The following SMYD2 variants were observed in gnomAD, a reference collection of about 807,000 sequenced individuals.
SMYD2 encodes N-lysine methyltransferase SMYD2.
A neutral mutation model predicts 59.1 loss-of-function variants in SMYD2; 53 were observed. That is an observed-to-expected ratio of 0.90 (90% CI 0.72 to 1.13). The LOEUF is 1.13. Ranked by LOEUF, SMYD2 falls within the 50% of genes most tolerant of loss-of-function variation. SMYD2 has a pLI of 0.00. For synonymous variants in SMYD2, 208 were observed against 198.8 expected, an observed-to-expected ratio of 1.05 and a Z score of -0.39; for missense variants, 494 against 544.7, an observed-to-expected ratio of 0.91 and a Z score of 0.93.
At chr1:214,300,704 G>C (rs1392855795) in intron 1 of SMYD2, among the ~76,000 whole-genome samples, 1 of 152,264 alleles carries the variant, frequency 6.6e-6, no homozygotes, top group Admixed American at 6.5e-5. Context: ...ATGCTTCGGC[G>C]TGATGGAAAC....
At chr1:214,305,343 G>C (rs921928093) in intron 2 of SMYD2, 93 bp downstream of exon 2, 2 of 1,222,746 alleles carry the variant, frequency 1.6e-6, no homozygotes, top group African/African-American at 1.5e-5. Flanking sequence ...CCTGGAGCCA[G>C]AGCTGGAAAG....
At position 214,327,138 on chromosome 1, in the gene SMYD2, C is replaced by T. The variant is rs568812751; in HGVS notation, c.603-484C>T. 3.9e-5 allele frequency among the ~76,000 whole-genome samples: 6 copies of T among 152,338 alleles called. No individual in the cohort carries two copies. The South Asian group carries it at 1.2e-3, about 32-fold the overall frequency. ...TGCAGAGAAACTCAGACGGGTGTCT[C>T]CGGGTCTCTCAGGGGATCACACACC... On this transcript the variant is annotated intron_variant, in intron 6 of 11. Transcript: ENST00000366957.
In SMYD2 at chr1:214,330,279, GT is replaced by G. The variant is rs748496281; in HGVS notation, c.816+2del. ...CCAGGAGTGTACCACCAAGGACAAG[GT>G]AAGGTTGTTCATTGGGCAAGAGCGC... On this transcript the variant is annotated splice_donor_variant, in intron 8 of 11. Coordinates refer to ENST00000366957, the MANE Select transcript of SMYD2 (RefSeq NM_020197.3). LOFTEE classifies it high-confidence loss of function. 2 of 1,602,722 alleles carry G rather than the reference GT, an allele frequency of 1.2e-6. No individual in the cohort carries two copies. The highest frequency in any genetic ancestry group is 2.2e-5 in the East Asian group (1 of 44,708).
intron 6 of SMYD2, among the ~76,000 whole-genome samples, chr1:214,325,583 T>C (rs186574972): frequency 6.6e-6 from 1 of 152,290 alleles, no homozygotes; most frequent in Admixed American, 6.5e-5. Context: ...CCCTTAGCTA[T>C]GTGCGTCTCT....
chr1:214,326,700 A>C (rs1657269210), intron 6 of SMYD2, among the ~76,000 whole-genome samples: 1 of 152,082 alleles, frequency 6.6e-6, no homozygotes, highest in African/African-American at 2.4e-5. Flanking sequence ...CATCCTCATC[A>C]GGCTTCGAAA....
At chr1:214,306,586 T>C (rs2102464033) in intron 2 of SMYD2, among the ~76,000 whole-genome samples, 1 of 152,312 alleles carries the variant, frequency 6.6e-6, no homozygotes, top group Non-Finnish European at 1.5e-5. Context: ...GGGTGCCTTC[T>C]TTTGAAGAGG....
At chr1:214,285,493 A>T (rs1656522600) in intron 1 of SMYD2, among the ~76,000 whole-genome samples, 2 of 152,184 alleles carry the variant, frequency 1.3e-5, no homozygotes, top group Admixed American at 6.5e-5. Context: ...TTTTCTGAAT[A>T]AAAAAATTGA....
intron 1 of SMYD2, among the ~76,000 whole-genome samples, chr1:214,303,972 A>G (rs1656872251): frequency 6.6e-6 from 1 of 152,240 alleles, no homozygotes; most frequent in Non-Finnish European, 1.5e-5. Context: ...TCTGACTTAG[A>G]CAATGTAATT....
At chr1:214,302,214 G>A (rs981345781) in intron 1 of SMYD2, among the ~76,000 whole-genome samples, 2 of 151,818 alleles carry the variant, frequency 1.3e-5, no homozygotes, top group Non-Finnish European at 1.5e-5. Flanking sequence ...TTACACATGC[G>A]TGTCATCCCA....
chr1:214,284,598 A>C (rs1571916864), intron 1 of SMYD2, among the ~76,000 whole-genome samples: 3 of 120,568 alleles, frequency 2.5e-5, no homozygotes, highest in South Asian at 2.6e-4. Context: ...GTCTCGTCTC[A>C]CTCTGTTGCC....
intron 11 of SMYD2, 149 bp from the exon 12 acceptor site, chr1:214,336,555 A>G: frequency 1.8e-6 from 1 of 562,046 alleles, no homozygotes; most frequent in Non-Finnish European, 3.0e-6. Context: ...AAATTAAAAT[A>G]AAAACAGGTC....
Position 214,330,157 on chromosome 1 carries a change from G to C in SMYD2, c.706-11G>C. On this transcript the variant is annotated splice_polypyrimidine_tract_variant and intron_variant, in intron 7 of 11. Transcript: ENST00000366957. ...TAGCAGACTGAAGCTTTATCTTTTTGGACCCCGTAGGTTTTTACCAGCTAT... is the reference window on the plus strand; with the variant it reads ...TAGCAGACTGAAGCTTTATCTTTTTCGACCCCGTAGGTTTTTACCAGCTAT... 6.4e-7 allele frequency: 1 copy of C among 1,566,692 alleles called. No individual in the cohort carries two copies. The highest frequency in any genetic ancestry group is 8.7e-7 in the Non-Finnish European group (1 of 1,144,504).
At position 214,336,693 on chromosome 1, in the gene SMYD2, CT is replaced by C; in HGVS notation, c.1222-6del. On this transcript the variant is annotated splice_polypyrimidine_tract_variant and intron_variant, in intron 11 of 11. Transcript: ENST00000366957. ...TTCTAGGCTCTCATTGTTTGTCTTG[CT>C]TTTTCCTAGGCCATTGCAATCATGG... 1.2e-6 allele frequency: 2 copies of C among 1,612,900 alleles called. No individual in the cohort carries two copies. The highest frequency in any genetic ancestry group is 1.7e-6 in the Non-Finnish European group (2 of 1,179,568).
At chr1:214,315,021 A>G (rs1411566737) in intron 3 of SMYD2, 149 bp downstream of exon 3, 7 of 651,734 alleles carry the variant, frequency 1.1e-5, no homozygotes, top group Non-Finnish European at 1.9e-5. Flanking sequence ...GGGGTGGGGA[A>G]AATACTCCAG....
rs56254326 is a variant in SMYD2 at position 214,304,558 on chromosome 1, C to CAAAAAAAAAAAAAAAAAAAA, written c.174-624_174-605dup. Among the ~76,000 whole-genome samples, 2 of 48,026 alleles carry CAAAAAAAAAAAAAAAAAAAA rather than the reference C, an allele frequency of 4.2e-5. 1 individual carries two copies. 31.5% of individuals were successfully genotyped at this position (48,026 alleles called of 152,430 possible). A position where few individuals can be genotyped will look rare whatever the true frequency, so the allele number is the denominator to read the frequency against. On this transcript the variant is annotated intron_variant, in intron 1 of 11. Transcript: ENST00000366957. ...TGGGTGACAGAGTGAGACCCTATCT[C>CAAAAAAAAAAAAAAAAAAAA]AAAAAAAAAAAAAAAAAAAAAAAAG...
rs1348462312 is a variant in SMYD2, at chr1:214,330,986, C to T, written c.853C>T (p.Pro285Ser). The stretch of plus-strand genomic sequence containing the variant: ...GGTGGAAATCCGGAAGCTCAGCGAT[C>T]CCCCAAAGGCAGAAGCCATCCGAGA... The part of the protein sequence containing the change: ...AKVEIRKLSD[P>S]PKAEAIRDMV... The change falls in exon 9 of 12, where the codon CCC becomes TCC. Residue 285 changes from proline (P) to serine (S), a missense_variant. Pro to Ser is a moderately conservative substitution (Grantham distance 74). Transcript: ENST00000366957. 2.5e-6 allele frequency: 4 copies of T among 1,614,070 alleles called. No homozygotes were observed. The highest frequency in any genetic ancestry group is 3.4e-6 in the Non-Finnish European group (4 of 1,180,048).
chr1:214,326,551 C>T (rs2102476075), intron 6 of SMYD2, among the ~76,000 whole-genome samples: 1 of 152,168 alleles, frequency 6.6e-6, no homozygotes, highest in South Asian at 2.1e-4. Context: ...CAGAGGTGGC[C>T]CTCCCCGAGG....
In SMYD2 at chr1:214,329,929, C is replaced by T. The variant is rs187066626; in HGVS notation, c.706-239C>T. ...GATTCTACAGACTCTTTCCACTAAC[C>T]TGCACCTTGGCTTCAGCTCCCAGTT... On this transcript the variant is annotated intron_variant, in intron 7 of 11. Coordinates refer to ENST00000366957, the MANE Select transcript of SMYD2 (RefSeq NM_020197.3). Among the ~76,000 whole-genome samples, 816 of 152,368 alleles carry T rather than the reference C, an allele frequency of 5.4e-3. 13 individuals are homozygous for T. Among genetic ancestry groups the T allele is most frequent in the Non-Finnish European group, 4.6e-3 (313 of 68,034 alleles).
At chr1:214,306,817 A>G (rs1656921786) in intron 2 of SMYD2, among the ~76,000 whole-genome samples, 1 of 152,236 alleles carries the variant, frequency 6.6e-6, no homozygotes, top group Admixed American at 6.5e-5. Flanking sequence ...AGCATGGAGT[A>G]GCAGGAGGCC....
Sources: allele counts gnomAD v4.1 joint callset (sites outside exome capture counted in the v4.1 genomes callset), GRCh38; gene constraint gnomAD v4.1.1; transcripts MANE v1.5; gene names NCBI Gene and HGNC (gene_info 2026-07-23, HGNC 2026-07-21).